The following SGCD variants were observed in gnomAD, a reference collection of about 807,000 sequenced individuals.
SGCD encodes delta-sarcoglycan.
In SGCD, 18 loss-of-function variants were observed where a neutral mutation model predicts 36.6. The observed-to-expected ratio is 0.49, with a 90% confidence interval of 0.34 to 0.73. SGCD has a LOEUF of 0.73. Ranked by LOEUF, SGCD falls within the 30% of genes least tolerant of loss-of-function variation. SGCD has a pLI of 0.01. For missense variants in SGCD, 387 were observed against 346.7 expected (o/e 1.12, Z -0.92); for synonymous variants, 133 against 130.6 (o/e 1.02, Z -0.12).
At chr5:156,335,487 G>A (rs897198614) in intron 2 of SGCD, among the ~76,000 whole-genome samples, 5 of 152,210 alleles carry the variant, frequency 3.3e-5, no homozygotes, top group African/African-American at 9.6e-5. Flanking sequence ...ATGTCCCGAA[G>A]CCCAGTCTTC....
At chr5:156,268,644 G>A (rs191808251) in intron 3 of SGCD, among the ~76,000 whole-genome samples, 1 of 152,086 alleles carries the variant, frequency 6.6e-6, no homozygotes, top group Non-Finnish European at 1.5e-5. Context: ...CGAGGCTGGA[G>A]TGCAATGGTG....
At chr5:155,790,357 G>A in the SGCD span, among the ~76,000 whole-genome samples, 5 of 151,944 alleles carry the variant, frequency 3.3e-5, no homozygotes, top group Non-Finnish European at 7.4e-5. Flanking sequence ...GAACAAATGT[G>A]GAAAACTTAA....
At chr5:156,581,267 G>A (rs1422920665) in intron 4 of SGCD, among the ~76,000 whole-genome samples, 1 of 152,128 alleles carries the variant, frequency 6.6e-6, no homozygotes, top group Non-Finnish European at 1.5e-5. Context: ...AGCAAATATT[G>A]CTGCCTGATC....
At position 156,744,681 on chromosome 5, in the gene SGCD, C is replaced by T. The variant is rs141617936; in HGVS notation, c.576-12900C>T. Among the ~76,000 whole-genome samples, 47 of 152,320 alleles carry T rather than the reference C, an allele frequency of 3.1e-4. 1 individual carries two copies. In the East Asian group the frequency reaches 8.3e-3, roughly 27 times the overall value. On this transcript the variant is annotated intron_variant, in intron 7 of 8. Coordinates refer to ENST00000337851, the MANE Select transcript of SGCD (RefSeq NM_000337.6). ...AACGAAATTATATATCTGTCTCATT[C>T]ATAGATGTTATCTTTCTCTAATGGA... is the stretch of plus-strand genomic sequence containing the variant.
At chr5:156,246,698 T>G (rs1765448888) in intron 3 of SGCD, among the ~76,000 whole-genome samples, 1 of 152,194 alleles carries the variant, frequency 6.6e-6, no homozygotes. Flanking sequence ...TAATTTTTGT[T>G]AAAAAATGTC....
intron 7 of SGCD, among the ~76,000 whole-genome samples, chr5:156,744,494 T>C (rs1179211245): frequency 6.6e-6 from 1 of 152,194 alleles, no homozygotes; most frequent in Non-Finnish European, 1.5e-5. Flanking sequence ...TGGGAGATTG[T>C]CGTGGGTTCC....
chr5:156,531,982 C>A (rs1015265014), intron 4 of SGCD, among the ~76,000 whole-genome samples: 1 of 151,646 alleles, frequency 6.6e-6, no homozygotes, highest in Non-Finnish European at 1.5e-5. Flanking sequence ...TGGTGACAAG[C>A]GCCTGTAATC....
intron 3 of SGCD, among the ~76,000 whole-genome samples, chr5:156,194,032 A>T (rs1362860684): frequency 2.0e-5 from 3 of 152,224 alleles, no homozygotes; most frequent in African/African-American, 7.2e-5. Context: ...TTAAAATTTA[A>T]ATTTTTAAAT....
At chr5:155,734,619 A>G in the SGCD span, among the ~76,000 whole-genome samples, 1 of 152,224 alleles carries the variant, frequency 6.6e-6, no homozygotes. Flanking sequence ...ACTTTAAGAC[A>G]CTGTTGTATA....
At chr5:156,357,588 C>G (rs1477796008) in intron 3 of SGCD, among the ~76,000 whole-genome samples, 1 of 152,154 alleles carries the variant, frequency 6.6e-6, no homozygotes, top group East Asian at 1.9e-4. Context: ...AGGGGTCATA[C>G]TAACTACATA....
chr5:155,786,930 T>C, the SGCD span, among the ~76,000 whole-genome samples: 1 of 152,180 alleles, frequency 6.6e-6, no homozygotes, highest in Non-Finnish European at 1.5e-5. Flanking sequence ...CGATTGGAGC[T>C]AGTTCATTAG....
At chr5:155,983,443 G>A (rs1758268718) in intron 1 of SGCD, among the ~76,000 whole-genome samples, 1 of 152,108 alleles carries the variant, frequency 6.6e-6, no homozygotes, top group African/African-American at 2.4e-5. Flanking sequence ...GGGATAACAG[G>A]TGCACGCCAC....
intron 7 of SGCD, among the ~76,000 whole-genome samples, chr5:156,690,377 G>A (rs1032112480): frequency 1.3e-5 from 2 of 152,200 alleles, no homozygotes; most frequent in African/African-American, 4.8e-5. Flanking sequence ...CCAAGCTAAT[G>A]AGTCTTGAAA....
chr5:156,504,986 G>C (rs898082333), intron 3 of SGCD, among the ~76,000 whole-genome samples: 1 of 152,198 alleles, frequency 6.6e-6, no homozygotes, highest in Non-Finnish European at 1.5e-5. Context: ...GGGAAGAAAT[G>C]TCAACATAGC....
At chr5:156,757,493 C>T (rs1017856147) in intron 7 of SGCD, 88 bp from the exon 8 acceptor site, 7 of 831,260 alleles carry the variant, frequency 8.4e-6, no homozygotes, top group Non-Finnish European at 1.3e-5. Context: ...TACTGGAATG[C>T]TTTGTTAATG....
At chr5:156,532,101 A>C (rs1315303942) in intron 4 of SGCD, among the ~76,000 whole-genome samples, 3 of 152,006 alleles carry the variant, frequency 2.0e-5, no homozygotes, top group Admixed American at 6.6e-5. Context: ...TAAGAGCAAA[A>C]CTTTGTCTCA....
intron 7 of SGCD, among the ~76,000 whole-genome samples, chr5:156,671,476 G>A (rs1359438421): frequency 1.3e-5 from 2 of 152,040 alleles, no homozygotes; most frequent in Admixed American, 1.3e-4. Flanking sequence ...GTTTCACCAT[G>A]TTGGTCAGGC....
intron 1 of SGCD, among the ~76,000 whole-genome samples, chr5:156,056,203 TTA>T (rs1760051503): frequency 6.8e-6 from 1 of 146,004 alleles, no homozygotes; most frequent in African/African-American, 2.5e-5. Flanking sequence ...CAAGCTACCC[TTA>T]TTTATTCCTG....
rs950623481 is a variant in SGCD, at chr5:156,055,458, C to T, written c.-281-62420C>T. Among the ~76,000 whole-genome samples, 3 of 146,074 alleles carry T rather than the reference C, an allele frequency of 2.1e-5. 1 individual carries two copies. The highest frequency in any genetic ancestry group is 4.6e-5 in the Non-Finnish European group (3 of 64,904). On this transcript the variant is annotated intron_variant, in intron 1 of 9. Coordinates refer to the SGCD transcript ENST00000517913. The stretch of plus-strand genomic sequence containing the variant: ...CCAGACACCCCACTGAAAGCAGGGA[C>T]ATATCTAGAAATTATGTTAAAGGTA...
Sources: gnomAD v4.1 joint callset for allele counts (sites outside exome capture counted in the v4.1 genomes callset) on GRCh38, gnomAD v4.1.1 for gene constraint, MANE v1.5 for transcripts, NCBI Gene and HGNC (gene_info 2026-07-23, HGNC 2026-07-21) for gene names.